LUZP2: variants seen among roughly 807,000 people sequenced by gnomAD.
LUZP2 encodes leucine zipper protein 2.
LUZP2 carries 52 observed loss-of-function variants against 51.6 expected under a neutral mutation model. That is an observed-to-expected ratio of 1.01 (90% CI 0.81 to 1.27). The LOEUF (loss-of-function observed/expected upper bound fraction) is 1.27, where lower values mean the gene tolerates loss of function less well. LUZP2 is among the 50% of genes most tolerant of loss of function. LUZP2 has a pLI of 0.00. For missense variants in LUZP2, 436 were observed against 395.4 expected, an observed-to-expected ratio of 1.10 and a Z score of -0.87; for synonymous variants, 154 against 137.3, an observed-to-expected ratio of 1.12 and a Z score of -0.85.
intron 9 of LUZP2, among the ~76,000 whole-genome samples, chr11:25,039,058 A>AC (rs1331735674): frequency 2.6e-5 from 4 of 151,950 alleles, no homozygotes; most frequent in Non-Finnish European, 4.4e-5. Flanking sequence ...GAGAGAGGTA[A>AC]CCCCCCTCAC....
rs117560910 is a variant in LUZP2, at chr11:24,605,579, C to T, written c.62+108274C>T. Among the ~76,000 whole-genome samples the T allele has an allele frequency of 3.3e-4, 50 of 151,646 alleles. No homozygotes were observed. In the East Asian group the frequency reaches 9.5e-3, roughly 29 times the overall value. On this transcript the variant is annotated intron_variant, in intron 1 of 11. Coordinates refer to ENST00000336930, the MANE Select transcript of LUZP2 (RefSeq NM_001009909.4). ...AAAAATAATTATTTTATTGAATGGA[C>T]ATTGATAATTTTCTTACGGTATTTT...
chr11:24,635,436 G>GTGTC (rs921711877), intron 1 of LUZP2, among the ~76,000 whole-genome samples: 20 of 151,878 alleles, frequency 1.3e-4, no homozygotes, highest in African/African-American at 4.8e-4. Context: ...GTGTGTGTGT[G>GTGTC]TGTGTATTCA....
chr11:24,950,721 T>C (rs1855050644), intron 7 of LUZP2, among the ~76,000 whole-genome samples: 1 of 151,610 alleles, frequency 6.6e-6, no homozygotes, highest in Non-Finnish European at 1.5e-5. Flanking sequence ...CAGTTTTTTT[T>C]GCTTTTGTTT....
At chr11:24,686,049 TTCAC>T (rs1221300040) in intron 1 of LUZP2, among the ~76,000 whole-genome samples, 1 of 152,170 alleles carries the variant, frequency 6.6e-6, no homozygotes, top group East Asian at 1.9e-4. Context: ...ACGAAATCAT[TTCAC>T]TCTTCTTTCT....
intron 7 of LUZP2, among the ~76,000 whole-genome samples, chr11:24,974,036 T>A (rs1018327816): frequency 5.3e-5 from 8 of 152,118 alleles, no homozygotes; most frequent in African/African-American, 1.4e-4. Context: ...AGTGGGGTGT[T>A]AATGTCTCCC....
chr11:24,712,104 A>AGG (rs1857849037), intron 1 of LUZP2, among the ~76,000 whole-genome samples: 1 of 152,174 alleles, frequency 6.6e-6, no homozygotes, highest in Non-Finnish European at 1.5e-5. Context: ...TTGAAATAGG[A>AGG]GGAAAGAGAC....
chr11:24,595,848 T>C (rs186372856), intron 1 of LUZP2, among the ~76,000 whole-genome samples: 19 of 152,296 alleles, frequency 1.2e-4, no homozygotes, highest in Non-Finnish European at 2.8e-4. Flanking sequence ...ACATTCAACA[T>C]AGGACAAGCC....
rs375055246 is a variant in LUZP2 at position 24,497,199 on chromosome 11, G to C, written c.-45G>C. The C allele has an allele frequency of 5.3e-6, 8 of 1,498,272 alleles. No homozygotes were observed. In the African/African-American group the frequency reaches 7.1e-5, roughly 13 times the overall value. 92.8% of individuals were successfully genotyped at this position (1,498,272 alleles called of 1,614,324 possible). ...AAGGAGCGACAGGATCCCGAAGAGA[G>C]AGAGAGAAGGCAGCGAGGGAAGGAG... On this transcript the variant is annotated 5_prime_UTR_variant, in exon 1 of 12. Transcript: ENST00000336930.
At chr11:24,681,340 C>G (rs1263233609) in intron 1 of LUZP2, among the ~76,000 whole-genome samples, 1 of 152,132 alleles carries the variant, frequency 6.6e-6, no homozygotes, top group African/African-American at 2.4e-5. Context: ...GGAGCCTTCT[C>G]AGACATTCAT....
intron 4 of LUZP2, among the ~76,000 whole-genome samples, chr11:24,751,125 A>G (rs1337933736): frequency 6.6e-6 from 1 of 152,184 alleles, no homozygotes; most frequent in African/African-American, 2.4e-5. Context: ...TTATATTGTT[A>G]CTACCAAGAT....
At position 24,843,091 on chromosome 11, in the gene LUZP2, CAA is replaced by C. The variant is rs1035149987; in HGVS notation, c.397-62899_397-62898del. Among the ~76,000 whole-genome samples, 16 of 151,700 alleles carry C rather than the reference CAA, an allele frequency of 1.1e-4. 1 individual carries two copies. Among genetic ancestry groups the C allele is most frequent in the Admixed American group, 8.5e-4 (13 of 15,224 alleles). ...GCCAAAATATATTTAAAATAAAAAA[CAA>C]GAGAATACTATGAGAAAACTGTATG... On this transcript the variant is annotated intron_variant, in intron 5 of 11. Coordinates refer to ENST00000336930, the MANE Select transcript of LUZP2 (RefSeq NM_001009909.4).
chr11:24,682,358 G>A (rs573561146), intron 1 of LUZP2, among the ~76,000 whole-genome samples: 188 of 151,676 alleles, frequency 1.2e-3, no homozygotes, highest in African/African-American at 4.1e-3. Flanking sequence ...AGCCGGCTAC[G>A]GTGGCAAGTG....
intron 5 of LUZP2, among the ~76,000 whole-genome samples, chr11:24,790,189 C>T (rs935697574): frequency 3.9e-5 from 6 of 152,048 alleles, no homozygotes; most frequent in Non-Finnish European, 5.9e-5. Flanking sequence ...CAGCTACTGC[C>T]TTTTTTTGTG....
chr11:24,676,986 C>G (rs1313335628), intron 1 of LUZP2, among the ~76,000 whole-genome samples: 1 of 152,076 alleles, frequency 6.6e-6, no homozygotes, highest in African/African-American at 2.4e-5. Context: ...ATAGCTTTTA[C>G]AGAACTTGTA....
intron 1 of LUZP2, among the ~76,000 whole-genome samples, chr11:24,579,235 A>G (rs1447497673): frequency 6.6e-6 from 1 of 152,076 alleles, no homozygotes; most frequent in Non-Finnish European, 1.5e-5. Flanking sequence ...TTTATAACTA[A>G]AACCCACAAT....
At chr11:24,937,214 AG>A (rs1854610230) in intron 7 of LUZP2, among the ~76,000 whole-genome samples, 1 of 152,244 alleles carries the variant, frequency 6.6e-6, no homozygotes, top group Non-Finnish European at 1.5e-5. Flanking sequence ...ATTAAATAGA[AG>A]CATTGTCTAC....
chr11:24,938,439 AT>A (rs1440354930), intron 7 of LUZP2, among the ~76,000 whole-genome samples: 1 of 152,196 alleles, frequency 6.6e-6, no homozygotes, highest in African/African-American at 2.4e-5. Context: ...TCTTAGATGC[AT>A]CAGACTCCTT....
chr11:25,047,995 C>T (rs7129432), intron 9 of LUZP2, among the ~76,000 whole-genome samples: 3,182 of 151,766 alleles, frequency 0.021, 56 homozygotes, highest in South Asian at 0.083. Flanking sequence ...AAAATTGTAG[C>T]GACAGGAGAC....
intron 9 of LUZP2, among the ~76,000 whole-genome samples, chr11:24,992,076 T>C (rs1439370319): frequency 6.6e-6 from 1 of 151,970 alleles, no homozygotes; most frequent in Non-Finnish European, 1.5e-5. Flanking sequence ...TCTATTGTGG[T>C]TCAGCATTTT....
Sources: gnomAD v4.1 joint callset for allele counts (sites outside exome capture counted in the v4.1 genomes callset) on GRCh38, gnomAD v4.1.1 for gene constraint, MANE v1.5 for transcripts, NCBI Gene and HGNC (gene_info 2026-07-23, HGNC 2026-07-21) for gene names.